The following DHRSX variants were observed in gnomAD, a reference collection of about 807,000 sequenced individuals.
DHRSX encodes dehydrogenase/reductase X-linked, also known as polyprenol dehydrogenase.
Under a neutral mutation model 34.0 loss-of-function variants are expected in DHRSX, and 31 were observed. The observed-to-expected ratio is 0.91, with a 90% CI of 0.69 to 1.23. The LOEUF (loss-of-function observed/expected upper bound fraction) is 1.23, where lower values mean the gene tolerates loss of function less well. DHRSX is among the 50% of genes most tolerant of loss of function. The pLI, the probability that DHRSX is intolerant of heterozygous loss-of-function variation, is 0.00. For missense variants in DHRSX, 414 were observed against 428.1 expected (o/e 0.97, Z 0.29); for synonymous variants, 201 against 183.8 (o/e 1.09, Z -0.76).
chrX:2,440,164 A>G (rs760056886), intron 1 of DHRSX, among the ~76,000 whole-genome samples: 68 of 152,176 alleles, frequency 4.5e-4, no homozygotes, highest in African/African-American at 1.5e-3. Context: ...TACCCACACA[A>G]AGAAGAGAGG....
intron 3 of DHRSX, among the ~76,000 whole-genome samples, chrX:2,321,135 T>C (rs1240228512): frequency 1.3e-5 from 2 of 152,142 alleles, no homozygotes; most frequent in Middle Eastern, 3.2e-3. Context: ...AGCCTAAGTA[T>C]ATCTTCATGC....
chrX:2,243,824 A>G, intron 5 of DHRSX, among the ~76,000 whole-genome samples: 1 of 22,942 alleles, frequency 4.4e-5, no homozygotes, highest in Non-Finnish European at 9.9e-5. Context: ...TTTTTTTTTG[A>G]GACAGATTCT....
intron 1 of DHRSX, among the ~76,000 whole-genome samples, chrX:2,460,448 C>T (rs2044387213): frequency 6.6e-6 from 1 of 152,184 alleles, no homozygotes. Context: ...GACAGTCGCC[C>T]AGGCTATTGC....
intron 3 of DHRSX, among the ~76,000 whole-genome samples, chrX:2,364,217 T>C (rs142802463): frequency 9.3e-4 from 142 of 152,272 alleles, no homozygotes; most frequent in Middle Eastern, 3.4e-3. Context: ...TGGTTTTCCA[T>C]TGGAGGCCTT....
At chrX:2,331,296 AC>A (rs1316102025) in intron 3 of DHRSX, among the ~76,000 whole-genome samples, 24 of 151,866 alleles carry the variant, frequency 1.6e-4, no homozygotes, top group Non-Finnish European at 2.1e-4. Flanking sequence ...GAAGTCTTGA[AC>A]CCCCTCAATG....
At chrX:2,339,405 T>C (rs1045181984) in intron 3 of DHRSX, among the ~76,000 whole-genome samples, 2 of 152,002 alleles carry the variant, frequency 1.3e-5, no homozygotes, top group African/African-American at 4.8e-5. Flanking sequence ...TCCCAAACTG[T>C]TGGGATTACA....
intron 3 of DHRSX, among the ~76,000 whole-genome samples, chrX:2,360,424 A>T (rs1258740574): frequency 1.3e-5 from 2 of 152,096 alleles, no homozygotes; most frequent in Admixed American, 6.6e-5. Flanking sequence ...CTCTACTAAA[A>T]ATACAAAAAT....
intron 1 of DHRSX, among the ~76,000 whole-genome samples, chrX:2,453,538 G>T (rs919420582): frequency 2.8e-4 from 42 of 151,962 alleles, no homozygotes; most frequent in African/African-American, 9.9e-4. Flanking sequence ...CAGGTGTGGT[G>T]GTGTGCACCT....
At chrX:2,284,744 ATTAT>A (rs2041784375) in intron 4 of DHRSX, among the ~76,000 whole-genome samples, 1 of 152,144 alleles carries the variant, frequency 6.6e-6, no homozygotes, top group African/African-American at 2.4e-5. Flanking sequence ...CAGGAGGTCT[ATTAT>A]TGATTTATTC....
intron 3 of DHRSX, among the ~76,000 whole-genome samples, chrX:2,347,571 G>A (rs1424396682): frequency 1.3e-5 from 2 of 152,212 alleles, no homozygotes; most frequent in Non-Finnish European, 2.9e-5. Context: ...GCGGGCACCT[G>A]TAATCCCAGC....
chrX:2,388,546 T>C (rs2043298502), intron 3 of DHRSX, among the ~76,000 whole-genome samples: 1 of 151,654 alleles, frequency 6.6e-6, no homozygotes, highest in Admixed American at 6.6e-5. Context: ...CATACCCTGA[T>C]CTCAGATGTC....
At chrX:2,327,979 C>A (rs2042408221) in intron 3 of DHRSX, among the ~76,000 whole-genome samples, 1 of 150,336 alleles carries the variant, frequency 6.7e-6, no homozygotes, top group African/African-American at 2.5e-5. Context: ...ACTTGGGAGG[C>A]TGAGGCAGGA....
At chrX:2,326,340 T>C (rs778038504) in intron 3 of DHRSX, among the ~76,000 whole-genome samples, 2 of 152,112 alleles carry the variant, frequency 1.3e-5, no homozygotes, top group African/African-American at 2.4e-5. Context: ...CTGGCCAACA[T>C]AGTGAAACCC....
chrX:2,367,396 C>T (rs1030605394), intron 3 of DHRSX, among the ~76,000 whole-genome samples: 1 of 150,316 alleles, frequency 6.7e-6, no homozygotes, highest in Non-Finnish European at 1.5e-5. Flanking sequence ...CAAGCTTGTG[C>T]CACTGCACTC....
intron 3 of DHRSX, among the ~76,000 whole-genome samples, chrX:2,307,451 T>A (rs1319588796): frequency 6.6e-6 from 1 of 151,748 alleles, no homozygotes; most frequent in Non-Finnish European, 1.5e-5. Flanking sequence ...GTGTACCTCA[T>A]GAAATTTTTT....
At chrX:2,315,474 G>C (rs2042231241) in intron 3 of DHRSX, among the ~76,000 whole-genome samples, 4 of 152,108 alleles carry the variant, frequency 2.6e-5, no homozygotes, top group Non-Finnish European at 5.9e-5. Context: ...CTTGCTGCCT[G>C]GTGAGAAGGT....
At chrX:2,369,917 A>G (rs751825260) in intron 3 of DHRSX, among the ~76,000 whole-genome samples, 1 of 152,204 alleles carries the variant, frequency 6.6e-6, no homozygotes, top group East Asian at 1.9e-4. Flanking sequence ...TGCTGGGATT[A>G]CAGGCATGAG....
chrX:2,330,907 T>A (rs2042464391), intron 3 of DHRSX, among the ~76,000 whole-genome samples: 1 of 152,130 alleles, frequency 6.6e-6, no homozygotes, highest in Non-Finnish European at 1.5e-5. Flanking sequence ...TCCAGGCCAC[T>A]CTAAATGTCT....
intron 3 of DHRSX, among the ~76,000 whole-genome samples, chrX:2,384,530 C>T (rs2043247974): frequency 6.6e-6 from 1 of 152,036 alleles, no homozygotes; most frequent in Non-Finnish European, 1.5e-5. Context: ...GAGGGTGGAA[C>T]CTCATGAGAG....
Sources: allele counts gnomAD v4.1 joint callset (sites outside exome capture counted in the v4.1 genomes callset), GRCh38; gene constraint gnomAD v4.1.1; transcripts MANE v1.5; gene names NCBI Gene and HGNC (gene_info 2026-07-23, HGNC 2026-07-21).